The following GPD2 variants were observed in gnomAD, a reference collection of about 807,000 sequenced individuals.
GPD2 encodes glycerol-3-phosphate dehydrogenase, mitochondrial.
Under a neutral mutation model 82.4 loss-of-function variants are expected in GPD2, and 54 were observed. The ratio of observed to expected loss-of-function variants is 0.66; its 90% CI spans 0.53 to 0.82. GPD2 has a LOEUF of 0.82. Ranked by LOEUF, GPD2 falls within the 40% of genes least tolerant of loss-of-function variation. The pLI is 0.00. For synonymous variants in GPD2, 288 were observed against 306.1 expected, an observed-to-expected ratio of 0.94 and a Z score of 0.62; for missense variants, 748 against 896.2, an observed-to-expected ratio of 0.83 and a Z score of 2.11.
intron 1 of GPD2, among the ~76,000 whole-genome samples, chr2:156,468,839 G>A (rs1049977424): frequency 1.3e-5 from 2 of 151,966 alleles, no homozygotes; most frequent in Non-Finnish European, 2.9e-5. Context: ...TTTGTGTTAC[G>A]AACATTCTCT....
chr2:156,471,249 T>A (rs941053733), intron 1 of GPD2, among the ~76,000 whole-genome samples: 1 of 152,248 alleles, frequency 6.6e-6, no homozygotes, highest in African/African-American at 2.4e-5. Flanking sequence ...AGATTTGCAC[T>A]CTTTAATGTT....
chr2:156,497,882 G>A (rs1022958151), intron 3 of GPD2, among the ~76,000 whole-genome samples: 15 of 152,172 alleles, frequency 9.9e-5, no homozygotes, highest in Admixed American at 7.2e-4. Context: ...ATACACTAAG[G>A]CCTAAAGGAA....
At chr2:156,469,460 C>G (rs961876456) in intron 1 of GPD2, among the ~76,000 whole-genome samples, 1 of 152,124 alleles carries the variant, frequency 6.6e-6, no homozygotes, top group Non-Finnish European at 1.5e-5. Context: ...CCACTGTGCC[C>G]GGCCTGATCT....
At chr2:156,581,962 T>C (rs1688041502) in intron 16 of GPD2, among the ~76,000 whole-genome samples, 1 of 152,000 alleles carries the variant, frequency 6.6e-6, no homozygotes, top group Non-Finnish European at 1.5e-5. Context: ...TGTGTGTGTG[T>C]ATATATATAA....
chr2:156,544,367 C>T (rs1207424641), intron 6 of GPD2, among the ~76,000 whole-genome samples: 1 of 152,080 alleles, frequency 6.6e-6, no homozygotes, highest in Non-Finnish European at 1.5e-5. Flanking sequence ...TCACATTTAC[C>T]AACATTCCGT....
intron 1 of GPD2, among the ~76,000 whole-genome samples, chr2:156,446,679 T>A (rs935268302): frequency 1.3e-5 from 2 of 151,854 alleles, no homozygotes; most frequent in African/African-American, 4.8e-5. Flanking sequence ...GGTTTAAGCC[T>A]CAGCCTCCAG....
At chr2:156,407,944 A>ATTTT in the GPD2 span, among the ~76,000 whole-genome samples, 10 of 56,432 alleles carry the variant, frequency 1.8e-4, 1 homozygote, top group East Asian at 5.9e-4. Flanking sequence ...CCATGCTGTA[A>ATTTT]TTTTTTTTTT....
intron 6 of GPD2, among the ~76,000 whole-genome samples, chr2:156,523,882 AC>A (rs2105292631): frequency 6.6e-6 from 1 of 152,332 alleles, no homozygotes; most frequent in Non-Finnish European, 1.5e-5. Flanking sequence ...GGTTATGTTC[AC>A]ATGTCCCTTA....
intron 1 of GPD2, among the ~76,000 whole-genome samples, chr2:156,445,474 G>T (rs1047559326): frequency 2.0e-5 from 3 of 152,172 alleles, no homozygotes; most frequent in Admixed American, 6.5e-5. Context: ...TTTCACCAAT[G>T]ATGCTGAACT....
At chr2:156,503,863 A>G (rs1253209315) in intron 3 of GPD2, among the ~76,000 whole-genome samples, 1 of 152,126 alleles carries the variant, frequency 6.6e-6, no homozygotes, top group East Asian at 1.9e-4. Flanking sequence ...TTGCCTTTCT[A>G]TATTATTTGG....
In GPD2 at chr2:156,539,460, C is replaced by A. The variant is rs1219450709; in HGVS notation, c.662-10148C>A. 3.3e-5 allele frequency among the ~76,000 whole-genome samples: 5 copies of A among 152,124 alleles called. No individual in the cohort carries two copies. The East Asian group carries it at 9.6e-4, about 29-fold the overall frequency. ...TGCCCTAGTACACATTCCTTTCAGA[C>A]AATCAGGACATTGGGTTCAGGTCAG... is the stretch of plus-strand genomic sequence containing the variant. On this transcript the variant is annotated intron_variant, in intron 6 of 16. Transcript: ENST00000438166.
chr2:156,512,152 T>A, intron 4 of GPD2, 68 bp from the exon 5 acceptor site: 1 of 808,682 alleles, frequency 1.2e-6, no homozygotes, highest in Non-Finnish European at 2.2e-6. Flanking sequence ...TGGCAGGGTG[T>A]CTATTTGCCA....
chr2:156,428,142 T>G, the GPD2 span, among the ~76,000 whole-genome samples: 1 of 152,206 alleles, frequency 6.6e-6, no homozygotes, highest in African/African-American at 2.4e-5. Context: ...GGGATCAGAA[T>G]GTGAATAACT....
At chr2:156,517,610 A>G (rs1187189263) in intron 6 of GPD2, among the ~76,000 whole-genome samples, 1 of 152,220 alleles carries the variant, frequency 6.6e-6, no homozygotes, top group African/African-American at 2.4e-5. Context: ...CTGATAAGGG[A>G]GTTATCAAGT....
chr2:156,415,450 G>A, the GPD2 span, among the ~76,000 whole-genome samples: 1 of 151,726 alleles, frequency 6.6e-6, no homozygotes, highest in East Asian at 2.0e-4. Flanking sequence ...AAGACACCGC[G>A]CGCAGCCGTT....
At chr2:156,459,698 A>AAAAAAAAAAAAAAC in intron 1 of GPD2, among the ~76,000 whole-genome samples, 1 of 148,960 alleles carries the variant, frequency 6.7e-6, no homozygotes, top group Non-Finnish European at 1.5e-5. Flanking sequence ...AAAAAAAAAA[A>AAAAAAAAAAAAAAC]AAAAAAAAAA....
chr2:156,513,553 C>A, intron 6 of GPD2, 57 bp downstream of exon 6: 1 of 1,315,854 alleles, frequency 7.6e-7, no homozygotes, highest in Non-Finnish European at 1.1e-6. Context: ...ACTCATGACC[C>A]GTATAGTGTA....
Position 156,496,073 on chromosome 2 carries a change from C to A in GPD2, c.132C>A (p.Asp44Glu), listed in dbSNP as rs543520570. The change falls in exon 3 of 17, where the codon GAC becomes GAA. Residue 44 changes from aspartate (D) to glutamate (E), a missense_variant. By Grantham distance (45) the Asp-to-Glu change is conservative (BLOSUM62 2). Transcript: ENST00000438166. Reference protein sequence around the residue: ...QMNLAYVKAADCISEPVNREP... With the variant: ...QMNLAYVKAAECISEPVNREP... The stretch of plus-strand genomic sequence containing the variant: ...ACCTGGCCTATGTTAAAGCAGCAGA[C>A]TGCATTTCAGAACCAGTTAACAGGG... 1 of 1,613,212 alleles carries A rather than the reference C, an allele frequency of 6.2e-7. No homozygotes were observed. The highest frequency in any genetic ancestry group is 1.7e-5 in the Admixed American group (1 of 60,012).
chr2:156,443,114 T>A (rs1325362059), intron 1 of GPD2, among the ~76,000 whole-genome samples: 1 of 152,180 alleles, frequency 6.6e-6, no homozygotes, highest in Non-Finnish European at 1.5e-5. Context: ...TATTTCACTT[T>A]TTGAAATCCT....
Sources: gnomAD v4.1 joint callset for allele counts (sites outside exome capture counted in the v4.1 genomes callset) on GRCh38, gnomAD v4.1.1 for gene constraint, MANE v1.5 for transcripts, NCBI Gene and HGNC (gene_info 2026-07-23, HGNC 2026-07-21) for gene names.